The following NDUFS1 variants were observed in gnomAD, a reference collection of about 807,000 sequenced individuals.
The protein encoded by NDUFS1 is NADH:ubiquinone oxidoreductase core subunit S1, also known as NADH-ubiquinone oxidoreductase 75 kDa subunit, mitochondrial.
A neutral mutation model predicts 84.4 loss-of-function variants in NDUFS1; 61 were observed. The observed-to-expected ratio is 0.72, with a 90% CI of 0.59 to 0.89. The LOEUF (loss-of-function observed/expected upper bound fraction) is 0.89, where lower values mean the gene tolerates loss of function less well. Among genes scored for constraint, NDUFS1 ranks in the 40% least tolerant of loss-of-function variants. The pLI, the probability that NDUFS1 is intolerant of heterozygous loss-of-function variation, is 0.00. For missense variants in NDUFS1, 891 were observed against 890.0 expected, an observed-to-expected ratio of 1.00 and a Z score of -0.01; for synonymous variants, 275 against 290.0, an observed-to-expected ratio of 0.95 and a Z score of 0.53.
chr2:206,127,854 T>C lies in NDUFS1; in HGVS notation c.1827A>G (p.Ala609=). 6.2e-7 allele frequency: 1 copy of C among 1,614,156 alleles called. No homozygotes were observed. The highest frequency in any genetic ancestry group is 8.5e-7 in the Non-Finnish European group (1 of 1,180,036). The change falls in exon 16 of 19, where the codon GCA becomes GCG. Residue 609 remains alanine, a synonymous_variant. Coordinates refer to ENST00000233190, the MANE Select transcript of NDUFS1 (RefSeq NM_005006.7). ...CTCTTGCCAAGCCAGGAGGTGTCAC[T>C]GCTACCTTAGTCTGCTGAGCTCTAC... ...TEGRAQQTKV[A]VTPPGLARED... is the part of the protein sequence containing the mutation.
Position 206,115,564 on chromosome 2 carries a change from G to T in NDUFS1, c.*8621C>A. 2.4e-5 allele frequency: 4 copies of T among 169,718 alleles called. No homozygotes were observed. The highest frequency in any genetic ancestry group is 5.0e-5 in the Non-Finnish European group (4 of 80,622). 10.5% of individuals were successfully genotyped at this position (169,718 alleles called of 1,614,324 possible). A position where few individuals can be genotyped will look rare whatever the true frequency, so the allele number is the denominator to read the frequency against. On this transcript the variant is annotated 3_prime_UTR_variant, in exon 19 of 19. Coordinates refer to ENST00000233190, the MANE Select transcript of NDUFS1 (RefSeq NM_005006.7). ...GAAGTAAATTTTTTTTTTTTTTAAC[G>T]AAGAAGTGAGTATTTTATTATTTTG...
In NDUFS1 at chr2:206,149,840, A is replaced by G. The variant is rs1255400110; in HGVS notation, c.239T>C (p.Val80Ala). The G allele has an allele frequency of 3.7e-6, 6 of 1,613,266 alleles. No homozygotes were observed. The highest frequency in any genetic ancestry group is 4.2e-6 in the Non-Finnish European group (5 of 1,179,798). ...SVAGNCRMCL[V>A]EIEKAPKVVA... ...TACCTTAGGGGCTTTCTCAATTTCAACAAGGCACATCCTGCAGTTTCCAGC... is the reference window on the plus strand; with the variant it reads ...TACCTTAGGGGCTTTCTCAATTTCAGCAAGGCACATCCTGCAGTTTCCAGC... The change falls in exon 4 of 19, where the codon GTT becomes GCT. Residue 80 changes from valine to alanine, a missense_variant. Val to Ala is a moderately conservative substitution (Grantham distance 64). Coordinates refer to ENST00000233190, the MANE Select transcript of NDUFS1 (RefSeq NM_005006.7).
chr2:206,134,135 A>G (rs1035492676), intron 13 of NDUFS1, among the ~76,000 whole-genome samples: 1 of 152,232 alleles, frequency 6.6e-6, no homozygotes, highest in African/African-American at 2.4e-5. Flanking sequence ...ATTAATCACA[A>G]GAGGAATTTG....
Position 206,116,661 on chromosome 2 carries a change from G to A in NDUFS1, c.*7524C>T, listed in dbSNP as rs1434314774. The A allele has an allele frequency of 4.4e-5, 18 of 410,548 alleles. No homozygotes were observed. The highest frequency in any genetic ancestry group is 8.2e-5 in the Non-Finnish European group (18 of 220,626). 25.4% of individuals were successfully genotyped at this position (410,548 alleles called of 1,614,324 possible). A position where few individuals can be genotyped will look rare whatever the true frequency, so the allele number is the denominator to read the frequency against. On this transcript the variant is annotated 3_prime_UTR_variant, in exon 19 of 19. Coordinates refer to ENST00000233190, the MANE Select transcript of NDUFS1 (RefSeq NM_005006.7). ...AGAACTTTGGGAGGTCAAGGTGGGAGGAGCGCCTGGGCCCAGGGGTTCAAG... is the reference window on the plus strand; with the variant it reads ...AGAACTTTGGGAGGTCAAGGTGGGAAGAGCGCCTGGGCCCAGGGGTTCAAG...
At chr2:206,131,083 G>T (rs1691495370) in intron 14 of NDUFS1, among the ~76,000 whole-genome samples, 1 of 152,138 alleles carries the variant, frequency 6.6e-6, no homozygotes, top group African/African-American at 2.4e-5. Context: ...GAATAGCAGG[G>T]TTGTTGTTTT....
At chr2:206,124,536 A>G (rs371314763) in intron 18 of NDUFS1, among the ~76,000 whole-genome samples, 2 of 152,100 alleles carry the variant, frequency 1.3e-5, no homozygotes, top group East Asian at 3.9e-4. Flanking sequence ...AAATTATAGA[A>G]AAGTATTAAA....
intron 18 of NDUFS1, 136 bp from the exon 19 acceptor site, chr2:206,124,412 C>A: frequency 1.5e-6 from 1 of 684,126 alleles, no homozygotes; most frequent in Non-Finnish European, 2.6e-6. Context: ...TATATGTAAC[C>A]AACAGATTCC....
rs138818421 is a variant in NDUFS1 at position 206,159,411 on chromosome 2, T to C, written c.-75A>G. 3,222 of 496,410 alleles carry C rather than the reference T, an allele frequency of 6.5e-3. 16 individuals are homozygous for C. The highest frequency in any genetic ancestry group is 9.7e-3 in the Non-Finnish European group (2,680 of 276,458). 30.8% of individuals were successfully genotyped at this position (496,410 alleles called of 1,614,324 possible). ...CACGACGACCCCCTAGGAGGCCGGG[T>C]CGCTTATTCAATATGGCGGCCTCGG... On this transcript the variant is annotated 5_prime_UTR_variant, in exon 1 of 19. Transcript: ENST00000233190.
intron 1 of NDUFS1, among the ~76,000 whole-genome samples, chr2:206,154,488 T>A (rs1462562417): frequency 7.2e-5 from 11 of 152,226 alleles, no homozygotes; most frequent in Admixed American, 7.2e-4. Flanking sequence ...TTATCCAAAG[T>A]GTCAACAGTG....
At position 206,133,015 on chromosome 2, in the gene NDUFS1, T is replaced by G; in HGVS notation, c.1483A>C (p.Ser495Arg). Residue 495 changes from serine to arginine, a missense_variant, in exon 14 of 19, where the codon AGC (serine) becomes CGC (arginine). By Grantham distance (110) the Ser-to-Arg change is moderately radical (BLOSUM62 -1). Coordinates refer to ENST00000233190, the MANE Select transcript of NDUFS1 (RefSeq NM_005006.7). Reference sequence around the variant, plus strand: ...GTCATCCGAATCTTTTGTGCAATGCTAGAAACAGCTGCAAGAATTGCTGCT... The same window carrying G: ...GTCATCCGAATCTTTTGTGCAATGCGAGAAACAGCTGCAAGAATTGCTGCT... The part of the protein sequence containing the change: ...DGAAILAAVS[S>R]IAQKIRMTSG... The G allele has an allele frequency of 6.2e-7, 1 of 1,613,896 alleles. No homozygotes were observed. The highest frequency in any genetic ancestry group is 1.7e-4 in the Middle Eastern group (1 of 6,058).
chr2:206,139,687 C>G (rs1379623218), intron 12 of NDUFS1, among the ~76,000 whole-genome samples: 1 of 151,576 alleles, frequency 6.6e-6, no homozygotes, highest in Non-Finnish European at 1.5e-5. Context: ...AGTGCAATGA[C>G]TATATAGTCT....
Position 206,116,292 on chromosome 2 carries a change from A to C in NDUFS1, c.*7893T>G, listed in dbSNP as rs1156544243. On this transcript the variant is annotated 3_prime_UTR_variant, in exon 19 of 19. Coordinates refer to ENST00000233190, the MANE Select transcript of NDUFS1 (RefSeq NM_005006.7). ...TCGGTTACTTCTCCTGATAAAGGAG[A>C]ATAGAGTTCACTAGCAGCTTTCACA... 1.1e-6 allele frequency: 1 copy of C among 938,414 alleles called. No homozygotes were observed. The highest frequency in any genetic ancestry group is 1.8e-6 in the Non-Finnish European group (1 of 562,486). The allele number at this position is 938,414 out of a possible 1,614,324, so 58.1% of individuals were successfully genotyped here.
Position 206,154,365 on chromosome 2 carries a change from T to C in NDUFS1, c.-4-683A>G, listed in dbSNP as rs149684282. ...TTGCTCCCCAGGGAATATTTAGCAA[T>C]GTCTGAACACACTGTTGTCACAAAC... On this transcript the variant is annotated intron_variant, in intron 1 of 18. Coordinates refer to ENST00000233190, the MANE Select transcript of NDUFS1 (RefSeq NM_005006.7). Among the ~76,000 whole-genome samples, 580 of 152,316 alleles carry C rather than the reference T, an allele frequency of 3.8e-3. 9 individuals are homozygous for C. Among genetic ancestry groups the C allele is most frequent in the African/African-American group, 0.013 (556 of 41,576 alleles).
Position 206,147,054 on chromosome 2 carries a change from C to T in NDUFS1, c.586G>A (p.Gly196Arg), listed in dbSNP as rs2105974048. 1 of 1,614,012 alleles carries T rather than the reference C, an allele frequency of 6.2e-7. No individual in the cohort carries two copies. The highest frequency in any genetic ancestry group is 1.1e-5 in the South Asian group (1 of 91,068). ...ATATCATTTCCTCTGCCTGTTGTTCCCAAATCATCTACTCCTGCAATCTCA... is the reference window on the plus strand; with the variant it reads ...ATATCATTTCCTCTGCCTGTTGTTCTCAAATCATCTACTCCTGCAATCTCA... ...ASEIAGVDDL[G>R]TTGRGNDMQV... The change falls in exon 8 of 19, where the codon GGA (glycine) becomes AGA (arginine). Residue 196 changes from glycine to arginine, a missense_variant. Transcript: ENST00000233190.
In NDUFS1 at chr2:206,144,034, G is replaced by A. The variant is rs1373870446; in HGVS notation, c.971C>T (p.Ser324Phe). The A allele has an allele frequency of 1.2e-6, 2 of 1,611,324 alleles. No individual in the cohort carries two copies. Among genetic ancestry groups the A allele is most frequent in the Non-Finnish European group, 1.7e-6 (2 of 1,177,632 alleles). ...LTYTSWEDAL[S>F]RVAGMLQSFQ... ...AAATTTTACCATTCCAGCTACGCGA[G>A]AGAGCGCATCCTCCCAAGAAGTATA... The change falls in exon 10 of 19, where the codon TCT (serine) becomes TTT (phenylalanine). Residue 324 changes from serine to phenylalanine, a missense_variant. Coordinates refer to ENST00000233190, the MANE Select transcript of NDUFS1 (RefSeq NM_005006.7).
chr2:206,149,408 TAA>T (rs1279369275), intron 4 of NDUFS1, among the ~76,000 whole-genome samples: 1 of 152,114 alleles, frequency 6.6e-6, no homozygotes, highest in Admixed American at 6.5e-5. Flanking sequence ...CACTATTGAA[TAA>T]AAAAATTGCA....
intron 13 of NDUFS1, among the ~76,000 whole-genome samples, chr2:206,135,772 A>G (rs112509623): frequency 5.9e-5 from 9 of 152,296 alleles, no homozygotes; most frequent in Non-Finnish European, 1.2e-4. Context: ...AGAAAGGAAG[A>G]CTTTTCACGG....
At chr2:206,134,565 G>C (rs972823365) in intron 13 of NDUFS1, among the ~76,000 whole-genome samples, 1 of 151,252 alleles carries the variant, frequency 6.6e-6, no homozygotes. Flanking sequence ...ATGGGTGACA[G>C]AGCCAGACCA....
Position 206,120,108 on chromosome 2 carries a change from G to A in NDUFS1, c.*4077C>T, listed in dbSNP as rs1029511785. On this transcript the variant is annotated 3_prime_UTR_variant, in exon 19 of 19. Coordinates refer to ENST00000233190, the MANE Select transcript of NDUFS1 (RefSeq NM_005006.7). ...TCGCTCCCATTTTGCCTTCTACCAT[G>A]ATTGTAAGCTTCCTGAGGCCCTCAT... The A allele has an allele frequency of 6.6e-6, 1 of 152,270 alleles. No individual in the cohort carries two copies. The highest frequency in any genetic ancestry group is 2.4e-5 in the African/African-American group (1 of 41,434). 9.4% of individuals were successfully genotyped at this position (152,270 alleles called of 1,614,324 possible).
Sources: gnomAD v4.1 joint callset for allele counts (sites outside exome capture counted in the v4.1 genomes callset) on GRCh38, gnomAD v4.1.1 for gene constraint, MANE v1.5 for transcripts, NCBI Gene and HGNC (gene_info 2026-07-23, HGNC 2026-07-21) for gene names.